The following RASEF variants were observed in gnomAD, a reference collection of about 807,000 sequenced individuals.
RASEF encodes the protein RAS and EF-hand domain containing.
RASEF carries 68 observed loss-of-function variants against 90.1 expected under a neutral mutation model. The ratio of observed to expected loss-of-function variants is 0.75; its 90% CI spans 0.62 to 0.92. The LOEUF (loss-of-function observed/expected upper bound fraction) is 0.92, where lower values mean the gene tolerates loss of function less well. RASEF is among the 40% of genes least tolerant of loss of function. The pLI is 0.00. For synonymous variants in RASEF, 331 were observed against 345.2 expected (o/e 0.96, Z 0.46); for missense variants, 949 against 937.2 (o/e 1.01, Z -0.16).
the RASEF span, among the ~76,000 whole-genome samples, chr9:83,170,235 T>C: frequency 6.6e-6 from 1 of 152,020 alleles, no homozygotes; most frequent in Non-Finnish European, 1.5e-5. Context: ...GAGTTGGCTA[T>C]ACATGTAAGG....
chr9:83,148,070 AT>A, the RASEF span, among the ~76,000 whole-genome samples: 9 of 152,000 alleles, frequency 5.9e-5, no homozygotes, highest in African/African-American at 2.2e-4. Context: ...GAAAAGAGGA[AT>A]GCCCGTTCCC....
At chr9:83,035,830 C>A (rs1043742664) in intron 1 of RASEF, among the ~76,000 whole-genome samples, 1 of 152,092 alleles carries the variant, frequency 6.6e-6, no homozygotes, top group Non-Finnish European at 1.5e-5. Flanking sequence ...TGTCACCTTC[C>A]CAGATTTAGG....
the RASEF span, among the ~76,000 whole-genome samples, chr9:83,175,713 C>T: frequency 9.5e-3 from 1,438 of 151,922 alleles, 27 homozygotes; most frequent in African/African-American, 0.033. Context: ...CCTGAGTAGC[C>T]GGGACTACAG....
the RASEF span, among the ~76,000 whole-genome samples, chr9:83,076,661 G>T: frequency 1.3e-5 from 2 of 152,066 alleles, no homozygotes; most frequent in East Asian, 3.9e-4. Flanking sequence ...CTATTATTTT[G>T]TTTGCTTTGA....
At chr9:83,155,910 A>T in the RASEF span, among the ~76,000 whole-genome samples, 1 of 152,210 alleles carries the variant, frequency 6.6e-6, no homozygotes. Flanking sequence ...AGTTTGGTGC[A>T]ATAAAAAGAA....
the RASEF span, among the ~76,000 whole-genome samples, chr9:83,145,227 T>C: frequency 5.3e-5 from 8 of 152,118 alleles, no homozygotes; most frequent in African/African-American, 1.9e-4. Flanking sequence ...ACAAGGACTA[T>C]AAAACATATA....
At chr9:83,092,933 C>A in the RASEF span, among the ~76,000 whole-genome samples, 3 of 152,162 alleles carry the variant, frequency 2.0e-5, no homozygotes, top group Admixed American at 2.0e-4. Flanking sequence ...ACTCACAAAC[C>A]CTGAGCTAGA....
At chr9:83,183,970 T>C in the RASEF span, among the ~76,000 whole-genome samples, 7 of 152,142 alleles carry the variant, frequency 4.6e-5, no homozygotes, top group Non-Finnish European at 1.0e-4. Context: ...GAGTTTTCCA[T>C]TCAGGTCTGG....
intron 7 of RASEF, among the ~76,000 whole-genome samples, chr9:83,006,910 G>C (rs1829143620): frequency 6.6e-6 from 1 of 151,884 alleles, no homozygotes; most frequent in Non-Finnish European, 1.5e-5. Flanking sequence ...TGGCTAACAA[G>C]GTAAAATGCC....
the RASEF span, among the ~76,000 whole-genome samples, chr9:83,092,012 T>TTTC: frequency 7.7e-6 from 1 of 129,120 alleles, no homozygotes; most frequent in South Asian, 2.5e-4. Flanking sequence ...TCTTTTTTTT[T>TTTC]TTTTTTTTTT....
the RASEF span, among the ~76,000 whole-genome samples, chr9:83,169,622 T>C: frequency 3.9e-5 from 6 of 152,080 alleles, no homozygotes; most frequent in African/African-American, 1.2e-4. Context: ...TTTTTGGCTT[T>C]TGAATAATAG....
At chr9:83,058,640 G>C (rs1030322327) in intron 1 of RASEF, among the ~76,000 whole-genome samples, 1 of 152,154 alleles carries the variant, frequency 6.6e-6, no homozygotes, top group Non-Finnish European at 1.5e-5. Context: ...AAGGGAAATG[G>C]AGAAGCAACC....
chr9:83,026,271 C>A (rs934259810), intron 1 of RASEF, among the ~76,000 whole-genome samples: 2 of 151,978 alleles, frequency 1.3e-5, no homozygotes, highest in African/African-American at 4.8e-5. Context: ...TTTCATCCAC[C>A]CCTGATAAGA....
chr9:82,982,746 T>C lies in RASEF; in HGVS notation c.2154A>G (p.Arg718=). The change falls in exon 17 of 17, where the codon AGA becomes AGG. Residue 718 remains arginine (R), a synonymous_variant. Transcript: ENST00000376447. The part of the protein sequence containing the change: ...VKKRTDKDDS[R]SITNLTGTNS... Reference sequence around the variant, plus strand: ...TGGTCCCGGTTAGATTGGTAATGGATCTGCTGTCATCCTTGTCAGTTCTCT... The same window carrying C: ...TGGTCCCGGTTAGATTGGTAATGGACCTGCTGTCATCCTTGTCAGTTCTCT... 6.2e-7 allele frequency: 1 copy of C among 1,609,174 alleles called. No individual in the cohort carries two copies. The highest frequency in any genetic ancestry group is 2.2e-5 in the East Asian group (1 of 44,824).
At chr9:83,147,318 A>C in the RASEF span, among the ~76,000 whole-genome samples, 1 of 152,158 alleles carries the variant, frequency 6.6e-6, no homozygotes, top group African/African-American at 2.4e-5. Context: ...TTTCCAAACA[A>C]ACGAAAGCAC....
chr9:83,160,521 C>T, the RASEF span, among the ~76,000 whole-genome samples: 10 of 151,924 alleles, frequency 6.6e-5, no homozygotes, highest in Non-Finnish European at 1.0e-4. Flanking sequence ...GCTTGGGCAC[C>T]GATAAAGGCA....
At chr9:83,184,982 C>T in the RASEF span, among the ~76,000 whole-genome samples, 6 of 152,224 alleles carry the variant, frequency 3.9e-5, no homozygotes, top group South Asian at 1.0e-3. Context: ...CCAGGCTCTG[C>T]CCCAGACCCA....
At chr9:83,189,252 C>A in the RASEF span, among the ~76,000 whole-genome samples, 1 of 152,198 alleles carries the variant, frequency 6.6e-6, no homozygotes, top group Admixed American at 6.5e-5. Flanking sequence ...CCCACTTTTG[C>A]TCGGCACTTC....
intron 1 of RASEF, chr9:83,048,290 A>G: frequency 1.0e-6 from 1 of 985,390 alleles, no homozygotes; most frequent in Non-Finnish European, 1.2e-6. Context: ...GAAGGCATGA[A>G]GGCGTCACTT....
Sources: allele counts gnomAD v4.1 joint callset (sites outside exome capture counted in the v4.1 genomes callset), GRCh38; gene constraint gnomAD v4.1.1; transcripts MANE v1.5; gene names NCBI Gene and HGNC (gene_info 2026-07-23, HGNC 2026-07-21).